Variants in PTPN9 observed in about 807,000 individuals in gnomAD.
PTPN9 encodes the protein protein tyrosine phosphatase non-receptor type 9.
A neutral mutation model predicts 69.8 loss-of-function variants in PTPN9; 26 were observed. The observed-to-expected ratio is 0.37, with a 90% confidence interval of 0.27 to 0.52. The LOEUF (loss-of-function observed/expected upper bound fraction) is 0.52. Ranked by LOEUF, PTPN9 falls within the 20% of genes least tolerant of loss-of-function variation. The pLI is 0.91. For missense variants in PTPN9, 549 were observed against 740.3 expected (o/e 0.74, Z 3.00); for synonymous variants, 274 against 272.5 (o/e 1.01, Z -0.05).
intron 1 of PTPN9, among the ~76,000 whole-genome samples, chr15:75,547,026 T>G (rs376542381): frequency 5.9e-5 from 9 of 152,146 alleles, no homozygotes; most frequent in African/African-American, 2.2e-4. Context: ...CCAGGCACGG[T>G]GGCTCATGCC....
intron 1 of PTPN9, among the ~76,000 whole-genome samples, chr15:75,544,350 C>G (rs1285152342): frequency 6.6e-6 from 1 of 152,074 alleles, no homozygotes; most frequent in Non-Finnish European, 1.5e-5. Context: ...CTGGACAACA[C>G]AGGGTTATCC....
rs1347563729 is a variant in PTPN9, at chr15:75,517,368, TA to T, written c.423-5del. ...TCCATTCCTCTGAGTTTCAAAGCTGTAAATCAACCATTGAACAAAAACATTT... is the reference window on the plus strand; with the variant it reads ...TCCATTCCTCTGAGTTTCAAAGCTGTAATCAACCATTGAACAAAAACATTT... On this transcript the variant is annotated splice_region_variant and splice_polypyrimidine_tract_variant and intron_variant, in intron 4 of 12. Coordinates refer to ENST00000618819, the MANE Select transcript of PTPN9 (RefSeq NM_002833.4). The T allele has an allele frequency of 1.9e-6, 3 of 1,607,264 alleles. No individual in the cohort carries two copies. The highest frequency in any genetic ancestry group is 2.6e-6 in the Non-Finnish European group (3 of 1,175,260).
chr15:75,503,985 A>G (rs1595955160), intron 7 of PTPN9, among the ~76,000 whole-genome samples: 1 of 106,260 alleles, frequency 9.4e-6, no homozygotes, highest in Non-Finnish European at 1.9e-5. Flanking sequence ...CTGGGAAGTG[A>G]GGAGCCCCTC....
intron 1 of PTPN9, among the ~76,000 whole-genome samples, chr15:75,558,052 A>C (rs12916256): frequency 6.6e-6 from 1 of 151,934 alleles, no homozygotes; most frequent in Non-Finnish European, 1.5e-5. Flanking sequence ...AAAATTGACC[A>C]GGCGCAGTCG....
chr15:75,576,535 C>T (rs1476398518), intron 1 of PTPN9, among the ~76,000 whole-genome samples: 10 of 151,288 alleles, frequency 6.6e-5, no homozygotes, highest in Non-Finnish European at 1.3e-4. Flanking sequence ...TCCGGCCAGG[C>T]GCAGTAACTC....
At chr15:75,494,870 A>G (rs906874262) in intron 7 of PTPN9, among the ~76,000 whole-genome samples, 3 of 151,706 alleles carry the variant, frequency 2.0e-5, no homozygotes, top group African/African-American at 4.8e-5. Flanking sequence ...CCACAAATAC[A>G]AAAATTAGCC....
chr15:75,524,725 C>T (rs2074919745), intron 2 of PTPN9, among the ~76,000 whole-genome samples: 1 of 133,132 alleles, frequency 7.5e-6, no homozygotes, highest in Admixed American at 9.0e-5. Context: ...TTGCAGTAAG[C>T]CAAGACAGCA....
intron 1 of PTPN9, among the ~76,000 whole-genome samples, chr15:75,544,602 G>A (rs1392004453): frequency 2.0e-5 from 3 of 152,026 alleles, no homozygotes; most frequent in Non-Finnish European, 4.4e-5. Flanking sequence ...ACCAACAAGA[G>A]CAACATCATC....
intron 1 of PTPN9, among the ~76,000 whole-genome samples, chr15:75,537,833 C>A (rs912805350): frequency 6.7e-6 from 1 of 149,110 alleles, no homozygotes; most frequent in African/African-American, 2.5e-5. Context: ...CCAAGGCAGG[C>A]GGATCACCTG....
At chr15:75,511,831 TCTTTTC>T (rs1219513590) in intron 5 of PTPN9, among the ~76,000 whole-genome samples, 2 of 151,730 alleles carry the variant, frequency 1.3e-5, no homozygotes, top group African/African-American at 4.9e-5. Context: ...GCTCATTTTA[TCTTTTC>T]CTTTTAATTT....
rs8182051 is a variant in PTPN9, at chr15:75,505,383, A to G, written c.968+292T>C. Among the ~76,000 whole-genome samples the G allele has an allele frequency of 2.6e-3, 389 of 149,344 alleles. 6 individuals are homozygous for G. The East Asian group carries it at 0.028, about 11-fold the overall frequency. On this transcript the variant is annotated intron_variant, in intron 7 of 12. Transcript: ENST00000618819. Reference sequence around the variant, plus strand: ...ACCTTTGTTCACTTGTTTATCTGCCAACCTTCCCTCCACTATTGTCCTATG... The same window carrying G: ...ACCTTTGTTCACTTGTTTATCTGCCGACCTTCCCTCCACTATTGTCCTATG...
At chr15:75,471,929 T>C (rs1265552324) in intron 10 of PTPN9, among the ~76,000 whole-genome samples, 1 of 150,908 alleles carries the variant, frequency 6.6e-6, no homozygotes, top group Non-Finnish European at 1.5e-5. Context: ...CACAATAGAG[T>C]GAGACTCTTG....
intron 9 of PTPN9, among the ~76,000 whole-genome samples, chr15:75,477,070 T>A (rs1011589156): frequency 6.6e-6 from 1 of 152,208 alleles, no homozygotes; most frequent in African/African-American, 2.4e-5. Context: ...TATACTGACA[T>A]AGGTGAAACA....
At chr15:75,569,540 A>G (rs889154395) in intron 1 of PTPN9, among the ~76,000 whole-genome samples, 12 of 151,874 alleles carry the variant, frequency 7.9e-5, no homozygotes, top group African/African-American at 2.9e-4. Context: ...CCCCATCTCT[A>G]CAAAAAATAC....
At chr15:75,504,317 A>G (rs1267389266) in intron 7 of PTPN9, among the ~76,000 whole-genome samples, 68 of 80,062 alleles carry the variant, frequency 8.5e-4, no homozygotes, top group South Asian at 1.9e-3. Context: ...GCCTCTGCCC[A>G]GCCGCCCCTA....
intron 8 of PTPN9, among the ~76,000 whole-genome samples, chr15:75,488,979 TC>T: frequency 6.6e-6 from 1 of 151,610 alleles, no homozygotes. Context: ...ATCGAGACCA[TC>T]CTGGCTAACA....
intron 1 of PTPN9, among the ~76,000 whole-genome samples, chr15:75,551,149 G>T (rs2075055199): frequency 6.6e-6 from 1 of 152,138 alleles, no homozygotes; most frequent in Non-Finnish European, 1.5e-5. Flanking sequence ...TGCCCAGGCT[G>T]AACTTGAATT....
chr15:75,569,759 G>C (rs2075141041), intron 1 of PTPN9, among the ~76,000 whole-genome samples: 1 of 151,008 alleles, frequency 6.6e-6, no homozygotes, highest in Non-Finnish European at 1.5e-5. Context: ...GTACTAGGTT[G>C]GGTTCCTTAG....
chr15:75,525,483 C>G (rs1240841413), intron 2 of PTPN9, among the ~76,000 whole-genome samples: 1 of 151,592 alleles, frequency 6.6e-6, no homozygotes, highest in South Asian at 2.1e-4. Flanking sequence ...CATGAGCCAC[C>G]GCGCCCAGCC....
Sources: allele counts gnomAD v4.1 joint callset (sites outside exome capture counted in the v4.1 genomes callset), GRCh38; gene constraint gnomAD v4.1.1; transcripts MANE v1.5; gene names NCBI Gene and HGNC (gene_info 2026-07-23, HGNC 2026-07-21).